Variants in GCC2 observed in about 807,000 individuals in gnomAD.
GCC2 encodes the protein GRIP and coiled-coil domain-containing protein 2.
GCC2 carries 120 observed loss-of-function variants against 210.6 expected under a neutral mutation model. That is an observed-to-expected ratio of 0.57 (90% confidence interval 0.49 to 0.66). The LOEUF (loss-of-function observed/expected upper bound fraction) is 0.66, where lower values mean the gene tolerates loss of function less well. GCC2 is among the 30% of genes least tolerant of loss of function. GCC2 has a pLI of 0.00. For missense variants in GCC2, 1,868 were observed against 1,871.9 expected, an observed-to-expected ratio of 1.00 and a Z score of 0.04; for synonymous variants, 703 against 652.7, an observed-to-expected ratio of 1.08 and a Z score of -1.17.
intron 10 of GCC2, among the ~76,000 whole-genome samples, 187 bp from the exon 11 acceptor site, chr2:108,482,100 G>A (rs1039209365): frequency 6.6e-6 from 1 of 152,062 alleles, no homozygotes; most frequent in Non-Finnish European, 1.5e-5. Flanking sequence ...CTCTTGTAAG[G>A]TTTACCATAT....
chr2:108,486,131 T>C (rs958035190), intron 15 of GCC2, among the ~76,000 whole-genome samples: 15 of 152,166 alleles, frequency 9.9e-5, no homozygotes, highest in Admixed American at 7.9e-4. Context: ...TACTATAGAA[T>C]AGTGCAAAAT....
chr2:108,503,581 A>C (rs1260119094), intron 22 of GCC2, among the ~76,000 whole-genome samples: 1 of 152,156 alleles, frequency 6.6e-6, no homozygotes, highest in Non-Finnish European at 1.5e-5. Flanking sequence ...CCAACACTGC[A>C]TACATGAGGG....
chr2:108,471,394 T>G lies in GCC2; in HGVS notation c.2065T>G (p.Ser689Ala). ...AGAAGTATTGTCAGCTGAAGTGAAGTCTCTTTATGAGGAAAACAATAAACT... is the reference window on the plus strand; with the variant it reads ...AGAAGTATTGTCAGCTGAAGTGAAGGCTCTTTATGAGGAAAACAATAAACT... ...DKEVLSAEVKSLYEENNKLSS... is the reference protein window; with the variant it reads ...DKEVLSAEVKALYEENNKLSS... The change falls in exon 6 of 23, where the codon TCT becomes GCT. Residue 689 changes from serine to alanine, a missense_variant. By Grantham distance (99) the Ser-to-Ala change is moderately conservative. Around this residue, in one of 3 missense-constraint regions of GCC2, gnomAD observed 1,847 missense variants for 1,765.2 expected, o/e 1.05. Coordinates refer to ENST00000309863, the MANE Select transcript of GCC2 (RefSeq NM_181453.4). 1.9e-6 allele frequency: 3 copies of G among 1,606,988 alleles called. No individual in the cohort carries two copies. Among genetic ancestry groups the G allele is most frequent in the Non-Finnish European group, 2.5e-6 (3 of 1,178,214 alleles).
At position 108,459,745 on chromosome 2, in the gene GCC2, CTTTTTTTTTTTTTTT is replaced by C. The variant is rs34052393; in HGVS notation, c.216+7298_216+7312del. Among the ~76,000 whole-genome samples, 37 of 26,784 alleles carry C rather than the reference CTTTTTTTTTTTTTTT, an allele frequency of 1.4e-3. 1 individual carries two copies. The highest frequency in any genetic ancestry group is 9.8e-3 in the East Asian group (3 of 306). 17.6% of individuals were successfully genotyped at this position (26,784 alleles called of 152,430 possible). A position where few individuals can be genotyped will look rare whatever the true frequency, so the allele number is the denominator to read the frequency against. ...GCCATTAGATAATGACCTTCTTTGT[CTTTTTTTTTTTTTTT>C]TTTTTTTTTTTTTTTTTTACTATTT... On this transcript the variant is annotated intron_variant, in intron 4 of 22. Coordinates refer to ENST00000309863, the MANE Select transcript of GCC2 (RefSeq NM_181453.4).
chr2:108,481,919 T>A, intron 10 of GCC2, 103 bp downstream of exon 10: 1 of 820,920 alleles, frequency 1.2e-6, no homozygotes, highest in Non-Finnish European at 1.8e-6. Flanking sequence ...AAACAGAATT[T>A]ATTCCCCCCC....
chr2:108,453,292 G>A (rs1680058987), intron 4 of GCC2, among the ~76,000 whole-genome samples: 1 of 152,100 alleles, frequency 6.6e-6, no homozygotes. Context: ...TTCTCTATAT[G>A]TGTCAGTCAC....
chr2:108,473,111 G>A (rs1681327074), intron 7 of GCC2: 1 of 419,416 alleles, frequency 2.4e-6, no homozygotes, highest in Admixed American at 4.6e-5. Flanking sequence ...AAGCAAGATT[G>A]GTGTGATTTA....
intron 5 of GCC2, chr2:108,469,333 G>C: frequency 4.8e-6 from 2 of 419,624 alleles, no homozygotes; most frequent in Non-Finnish European, 8.4e-6. Flanking sequence ...GCGAAAAAAA[G>C]TAAGTTGATT....
chr2:108,452,461 A>C lies in GCC2; in HGVS notation c.211A>C (p.Ile71Leu). The C allele has an allele frequency of 6.6e-7, 1 of 1,513,712 alleles. No homozygotes were observed. Among genetic ancestry groups the C allele is most frequent in the Non-Finnish European group, 9.2e-7 (1 of 1,089,820 alleles). The allele number at this position is 1,513,712 out of a possible 1,614,324, so 93.8% of individuals were successfully genotyped here. ...KPVTEGTGDI[I>L]KALTERLDAL... is the part of the protein sequence containing the mutation. ...TGTTACTGAAGGAACTGGTGATATTATTAAGGTAATTATTACGTTGGGAAA... is the reference window on the plus strand; with the variant it reads ...TGTTACTGAAGGAACTGGTGATATTCTTAAGGTAATTATTACGTTGGGAAA... Residue 71 changes from isoleucine to leucine, a missense_variant, in exon 4 of 23, where the codon ATT becomes CTT. Ile to Leu is a conservative substitution (Grantham distance 5). Coordinates refer to ENST00000309863, the MANE Select transcript of GCC2 (RefSeq NM_181453.4).
At position 108,486,808 on chromosome 2, in the gene GCC2, A is replaced by C. The variant is rs28375819; in HGVS notation, c.3930+160A>C. Among the ~76,000 whole-genome samples, 1,417 of 152,342 alleles carry C rather than the reference A, an allele frequency of 9.3e-3. 23 individuals carry two copies. The highest frequency in any genetic ancestry group is 0.031 in the Middle Eastern group (9 of 294). Reference sequence around the variant, plus strand: ...TTAATCTGGCTTTAACCCCAATCCCATGCCAACCCTAATCGTAAGTTGGAT... The same window carrying C: ...TTAATCTGGCTTTAACCCCAATCCCCTGCCAACCCTAATCGTAAGTTGGAT... On this transcript the variant is annotated intron_variant, in intron 16 of 22. Coordinates refer to ENST00000309863, the MANE Select transcript of GCC2 (RefSeq NM_181453.4).
At chr2:108,489,745 C>A in intron 17 of GCC2, 93 bp from the exon 18 acceptor site, 1 of 695,002 alleles carries the variant, frequency 1.4e-6, no homozygotes. Context: ...AAGAGTATGG[C>A]ATTGAAAGGT....
Position 108,508,237 on chromosome 2 carries a change from T to G in GCC2, c.*607T>G, listed in dbSNP as rs1435486700. The G allele has an allele frequency of 6.6e-6, 1 of 150,872 alleles. No homozygotes were observed. The highest frequency in any genetic ancestry group is 1.5e-5 in the Non-Finnish European group (1 of 67,788). 9.3% of individuals were successfully genotyped at this position (150,872 alleles called of 1,614,324 possible). A position where few individuals can be genotyped will look rare whatever the true frequency, so the allele number is the denominator to read the frequency against. On this transcript the variant is annotated 3_prime_UTR_variant, in exon 23 of 23. Transcript: ENST00000309863. ...ATTGTTATAAATTGTTGAGAAATTT[T>G]TGTGATTAGAATATGAAGGAAAAAG...
At chr2:108,463,797 G>A (rs1680726687) in intron 4 of GCC2, among the ~76,000 whole-genome samples, 1 of 152,088 alleles carries the variant, frequency 6.6e-6, no homozygotes, top group Admixed American at 6.5e-5. Flanking sequence ...CAACCCTCTG[G>A]GTCCTAACTG....
Position 108,483,272 on chromosome 2 carries a change from G to A in GCC2, c.3450+106G>A, listed in dbSNP as rs183106607. 53 of 635,978 alleles carry A rather than the reference G, an allele frequency of 8.3e-5. No individual in the cohort carries two copies. The East Asian group carries it at 1.6e-3, about 19-fold the overall frequency. 39.4% of individuals were successfully genotyped at this position (635,978 alleles called of 1,614,324 possible). A position where few individuals can be genotyped will look rare whatever the true frequency, so the allele number is the denominator to read the frequency against. ...GCAATCTCACTCTGTGGCCCAGGCT[G>A]GAGTGCAGTGGCATGATCTCGGCTC... On this transcript the variant is annotated intron_variant, in intron 12 of 22. Transcript: ENST00000309863.
chr2:108,477,675 T>G (rs1201676811), intron 9 of GCC2, among the ~76,000 whole-genome samples: 1 of 152,186 alleles, frequency 6.6e-6, no homozygotes, highest in Non-Finnish European at 1.5e-5. Flanking sequence ...TTGTGAAAAA[T>G]ATTTTTTAAA....
intron 10 of GCC2, 62 bp downstream of exon 10, chr2:108,481,878 T>G (rs1681872659): frequency 1.6e-6 from 2 of 1,265,442 alleles, no homozygotes; most frequent in Admixed American, 5.1e-5. Flanking sequence ...CTCAATACTT[T>G]TTGCATAAAA....
At chr2:108,494,871 G>A (rs1682567224) in intron 19 of GCC2, 1 of 153,902 alleles carries the variant, frequency 6.5e-6, no homozygotes, top group Non-Finnish European at 1.4e-5. Context: ...GGAGTGCAGT[G>A]GTGTGATCTT....
intron 4 of GCC2, among the ~76,000 whole-genome samples, chr2:108,460,994 C>A (rs13414406): frequency 0.38 from 58,176 of 151,906 alleles, 12,649 homozygotes; most frequent in East Asian, 0.89. Context: ...TTTCCTGAGG[C>A]CTCCCCAGCC....
Position 108,471,232 on chromosome 2 carries a change from A to G in GCC2, c.1903A>G (p.Ile635Val), listed in dbSNP as rs1221355978. The change falls in exon 6 of 23, where the codon ATC becomes GTC. Residue 635 changes from isoleucine to valine, a missense_variant. By Grantham distance (29) the Ile-to-Val change is conservative (BLOSUM62 3). Transcript: ENST00000309863. The stretch of plus-strand genomic sequence containing the variant: ...ACTTGGGAAGAAAGTAGAGCAAACA[A>G]TCCAGTACAACAGTGAACTAGAACA... ...LELGKKVEQTIQYNSELEQKV... is the reference protein window; with the variant it reads ...LELGKKVEQTVQYNSELEQKV... 1.1e-5 allele frequency: 17 copies of G among 1,607,694 alleles called. No homozygotes were observed. The highest frequency in any genetic ancestry group is 1.7e-4 in the Middle Eastern group (1 of 6,036).
Sources: allele counts gnomAD v4.1 joint callset (sites outside exome capture counted in the v4.1 genomes callset), GRCh38; gene constraint gnomAD v4.1.1; regional missense constraint gnomAD v4.1.1; transcripts MANE v1.5; gene names NCBI Gene and HGNC (gene_info 2026-07-23, HGNC 2026-07-21).